The following IGSF10 variants were observed in gnomAD, a reference collection of about 807,000 sequenced individuals.
IGSF10 encodes calvaria mechanical force protein 608.
Under a neutral mutation model 128.2 loss-of-function variants are expected in IGSF10, and 126 were observed. The observed-to-expected ratio is 0.98, with a 90% confidence interval of 0.85 to 1.14. IGSF10 has a LOEUF of 1.14. Ranked by LOEUF, IGSF10 falls within the 50% of genes most tolerant of loss-of-function variation. IGSF10 has a pLI of 0.00. For synonymous variants in IGSF10, 1,185 were observed against 1,146.2 expected (o/e 1.03, Z -0.68); for missense variants, 3,295 against 3,149.8 (o/e 1.05, Z -1.10).
the IGSF10 span, among the ~76,000 whole-genome samples, chr3:151,556,462 C>T: frequency 5.9e-5 from 9 of 152,106 alleles, no homozygotes; most frequent in Non-Finnish European, 1.3e-4. Context: ...AACAGGTTTT[C>T]TGCTTGCATA....
At chr3:151,613,484 C>T in the IGSF10 span, among the ~76,000 whole-genome samples, 614 of 152,108 alleles carry the variant, frequency 4.0e-3, 6 homozygotes, top group African/African-American at 0.014. Flanking sequence ...GAGATATAGA[C>T]CAATGGAACA....
the IGSF10 span, among the ~76,000 whole-genome samples, chr3:151,535,855 G>A: frequency 6.6e-6 from 1 of 152,154 alleles, no homozygotes; most frequent in Non-Finnish European, 1.5e-5. Flanking sequence ...CCTCTAGAAT[G>A]ATAGAGCAAA....
intron 2 of IGSF10, among the ~76,000 whole-genome samples, chr3:151,459,251 TG>T (rs1248407499): frequency 6.6e-6 from 1 of 152,238 alleles, no homozygotes; most frequent in East Asian, 1.9e-4. Flanking sequence ...TGTGTGTATA[TG>T]TATAGGTGTA....
At chr3:151,510,194 C>T in the IGSF10 span, among the ~76,000 whole-genome samples, 43 of 152,328 alleles carry the variant, frequency 2.8e-4, no homozygotes, top group East Asian at 3.9e-3. Context: ...GGGCCCCTGA[C>T]GCCCAAGTAG....
the IGSF10 span, among the ~76,000 whole-genome samples, chr3:151,515,587 TGTG>T: frequency 6.6e-6 from 1 of 151,842 alleles, no homozygotes; most frequent in Non-Finnish European, 1.5e-5. Flanking sequence ...ACCTGCACGT[TGTG>T]TACATGTACC....
rs759295798 is a variant in IGSF10 at position 151,446,328 on chromosome 3, C to A, written c.3653G>T (p.Arg1218Ile). ...ACTAACTTTATGTTGATTCCTTAATCTGCCTTTTGGGTTATGGTTATTTAC... is the reference window on the plus strand; with the variant it reads ...ACTAACTTTATGTTGATTCCTTAATATGCCTTTTGGGTTATGGTTATTTAC... ...NFVNNHNPKG[R>I]LRNQHKVSLQ... Residue 1218 changes from arginine (R) to isoleucine (I), a missense_variant, in exon 6 of 8, where the codon AGA (arginine) becomes ATA (isoleucine). Coordinates refer to ENST00000282466, the MANE Select transcript of IGSF10 (RefSeq NM_178822.5). The A allele has an allele frequency of 6.2e-7, 1 of 1,614,006 alleles. No homozygotes were observed. Among genetic ancestry groups the A allele is most frequent in the Non-Finnish European group, 8.5e-7 (1 of 1,179,878 alleles).
the IGSF10 span, among the ~76,000 whole-genome samples, chr3:151,548,298 G>T: frequency 1.3e-5 from 2 of 152,164 alleles, no homozygotes; most frequent in African/African-American, 4.8e-5. Flanking sequence ...CCCAGCTAAG[G>T]TTCAAGCTGA....
At chr3:151,433,760 G>A (rs1282218962), downstream of IGSF10, 1 of 152,560 alleles carries the variant, frequency 6.6e-6, no homozygotes, top group Non-Finnish European at 1.5e-5. Flanking sequence ...AGAAGGCTCT[G>A]GTTTTCATAA....
At chr3:151,604,142 A>G in the IGSF10 span, among the ~76,000 whole-genome samples, 1 of 152,220 alleles carries the variant, frequency 6.6e-6, no homozygotes, top group South Asian at 2.1e-4. Context: ...ACTTTAAAGT[A>G]TAGTAAGTAA....
the IGSF10 span, among the ~76,000 whole-genome samples, chr3:151,613,444 C>A: frequency 6.6e-6 from 1 of 152,136 alleles, no homozygotes; most frequent in Non-Finnish European, 1.5e-5. Flanking sequence ...GCTACAGTAA[C>A]CAAAACAGCA....
chr3:151,581,816 T>G, the IGSF10 span, among the ~76,000 whole-genome samples: 7 of 152,190 alleles, frequency 4.6e-5, no homozygotes, highest in African/African-American at 1.7e-4. Flanking sequence ...CAAGCCTGTA[T>G]TCCTAGTACT....
the IGSF10 span, among the ~76,000 whole-genome samples, chr3:151,522,314 G>A: frequency 6.6e-6 from 1 of 151,980 alleles, no homozygotes. Context: ...AACAATTAAG[G>A]AGGAGAACCT....
chr3:151,450,635 G>A (rs1045843180), intron 5 of IGSF10, among the ~76,000 whole-genome samples: 5 of 152,046 alleles, frequency 3.3e-5, no homozygotes, highest in Admixed American at 1.3e-4. Context: ...AATCGCTCAC[G>A]CCTGTAACCT....
At chr3:151,548,470 C>T in the IGSF10 span, among the ~76,000 whole-genome samples, 1 of 152,198 alleles carries the variant, frequency 6.6e-6, no homozygotes. Flanking sequence ...ACCCACAAAA[C>T]CCAAGAGCAT....
the IGSF10 span, among the ~76,000 whole-genome samples, chr3:151,524,606 A>G: frequency 1.3e-5 from 2 of 152,244 alleles, no homozygotes; most frequent in African/African-American, 4.8e-5. Flanking sequence ...AGAAGGAAAC[A>G]ACAGACACTG....
the IGSF10 span, among the ~76,000 whole-genome samples, chr3:151,584,216 G>A: frequency 6.6e-6 from 1 of 152,084 alleles, no homozygotes; most frequent in African/African-American, 2.4e-5. Context: ...CTCATCTTTA[G>A]GAATGTTTCT....
chr3:151,448,087 T>C lies in IGSF10; in HGVS notation c.1894A>G (p.Ile632Val). Residue 632 changes from isoleucine to valine, a missense_variant, in exon 6 of 8, where the codon ATA becomes GTA. Coordinates refer to ENST00000282466, the MANE Select transcript of IGSF10 (RefSeq NM_178822.5). Reference sequence around the variant, plus strand: ...TGGTCTTTCGGGGTGACCTGTAATATTCTTAATGTGCCATTGTTTAGAACT... The same window carrying C: ...TGGTCTTTCGGGGTGACCTGTAATACTCTTAATGTGCCATTGTTTAGAACT... ...KKVLNNGTLR[I>V]LQVTPKDQGY... The C allele has an allele frequency of 6.2e-7, 1 of 1,614,190 alleles. No individual in the cohort carries two copies. The highest frequency in any genetic ancestry group is 8.5e-7 in the Non-Finnish European group (1 of 1,180,036).
At chr3:151,487,414 T>C in the IGSF10 span, among the ~76,000 whole-genome samples, 2 of 152,172 alleles carry the variant, frequency 1.3e-5, no homozygotes, top group Non-Finnish European at 2.9e-5. Flanking sequence ...AAAGAGGAGC[T>C]GGTACCATTC....
At chr3:151,463,012 C>T (rs137949565), upstream of IGSF10, among the ~76,000 whole-genome samples, 27 of 152,276 alleles carry the variant, frequency 1.8e-4, no homozygotes, top group African/African-American at 6.5e-4. Context: ...TCTGGACTTC[C>T]AGACCTCAAC....
Sources: gnomAD v4.1 joint callset for allele counts (sites outside exome capture counted in the v4.1 genomes callset) on GRCh38, gnomAD v4.1.1 for gene constraint, MANE v1.5 for transcripts, NCBI Gene and HGNC (gene_info 2026-07-23, HGNC 2026-07-21) for gene names.